Variants in FAT3 observed in about 807,000 individuals in gnomAD.
FAT3 encodes FAT atypical cadherin 3.
FAT3 carries 95 observed loss-of-function variants against 310.2 expected under a neutral mutation model. The ratio of observed to expected loss-of-function variants is 0.31; its 90% confidence interval spans 0.26 to 0.36. FAT3 has a LOEUF of 0.36. FAT3 is among the 10% of genes least tolerant of loss of function. The pLI, the probability that FAT3 is intolerant of heterozygous loss-of-function variation, is 1.00. For missense variants in FAT3, 5,408 were observed against 5,715.6 expected, an observed-to-expected ratio of 0.95 and a Z score of 1.74; for synonymous variants, 2,314 against 2,192.9, an observed-to-expected ratio of 1.06 and a Z score of -1.54.
chr11:92,557,187 T>A (rs1454322887), intron 3 of FAT3, among the ~76,000 whole-genome samples: 1 of 152,082 alleles, frequency 6.6e-6, no homozygotes, highest in Non-Finnish European at 1.5e-5. Flanking sequence ...TCGGATTTTA[T>A]GGAGGATGTT....
Position 92,792,884 on chromosome 11 carries a change from G to C in FAT3, c.4729G>C (p.Glu1577Gln). The C allele has an allele frequency of 6.2e-7, 1 of 1,613,848 alleles. No individual in the cohort carries two copies. The highest frequency in any genetic ancestry group is 8.5e-7 in the Non-Finnish European group (1 of 1,179,790). The change falls in exon 9 of 28, where the codon GAA becomes CAA. Residue 1577 changes from glutamate to glutamine, a missense_variant. This residue lies in a region of FAT3 where 4,588 missense variants were observed against 4,809.8 expected (regional missense o/e 0.95). Coordinates refer to ENST00000525166, the MANE Select transcript of FAT3 (RefSeq NM_001367949.2). ...CCCACTGTATGAAGCGTCTGTGTTT[G>C]AATCTGCTGCTCTGGGATCAGCTGT... ...TNPLYEASVFESAALGSAVLQ... is the reference protein window; with the variant it reads ...TNPLYEASVFQSAALGSAVLQ...
At position 92,333,164 on chromosome 11, in the gene FAT3, TC is replaced by T. The variant is rs1226836450; in HGVS notation, c.-17-18930del. 2.0e-5 allele frequency among the ~76,000 whole-genome samples: 3 copies of T among 152,158 alleles called. No individual in the cohort carries two copies. In the East Asian group the frequency reaches 5.8e-4, roughly 29 times the overall value. On this transcript the variant is annotated intron_variant, in intron 1 of 27. Coordinates refer to ENST00000525166, the MANE Select transcript of FAT3 (RefSeq NM_001367949.2). ...GAATAGAAGGCCAGATACTTATAAG[TC>T]CTACCCAAATGACTGGGGAGGAATG...
chr11:92,870,796 T>C (rs1389963469), intron 22 of FAT3, among the ~76,000 whole-genome samples: 3 of 152,224 alleles, frequency 2.0e-5, no homozygotes, highest in African/African-American at 7.2e-5. Context: ...AGATTCTTAA[T>C]GGTAAGAGCT....
chr11:92,552,883 G>A (rs1057242257), intron 3 of FAT3, among the ~76,000 whole-genome samples: 1 of 151,892 alleles, frequency 6.6e-6, no homozygotes, highest in Non-Finnish European at 1.5e-5. Context: ...CCCAGAGGTG[G>A]AAGTTGCAGT....
At chr11:92,624,180 G>C (rs1212910841) in intron 3 of FAT3, among the ~76,000 whole-genome samples, 2 of 152,132 alleles carry the variant, frequency 1.3e-5, no homozygotes, top group Non-Finnish European at 1.5e-5. Context: ...CTGGAGTCAG[G>C]GAAAGCTTCT....
chr11:92,451,547 A>G (rs1555050572), intron 2 of FAT3, among the ~76,000 whole-genome samples: 1 of 152,240 alleles, frequency 6.6e-6, no homozygotes, highest in Non-Finnish European at 1.5e-5. Context: ...AAGGGAGGAA[A>G]GACACAAACC....
intron 2 of FAT3, among the ~76,000 whole-genome samples, chr11:92,364,615 C>A (rs962854803): frequency 2.6e-5 from 4 of 152,176 alleles, no homozygotes; most frequent in African/African-American, 9.6e-5. Flanking sequence ...TTAAAATGGG[C>A]TGTAGTCTGT....
chr11:92,416,391 A>T (rs922332195), intron 2 of FAT3, among the ~76,000 whole-genome samples: 6 of 152,040 alleles, frequency 3.9e-5, no homozygotes, highest in African/African-American at 1.4e-4. Flanking sequence ...CTCAAAAAAA[A>T]AAAAAAGAAA....
intron 13 of FAT3, 32 bp downstream of exon 13, chr11:92,810,108 C>G: frequency 6.3e-7 from 1 of 1,575,542 alleles, no homozygotes; most frequent in Non-Finnish European, 8.7e-7. Flanking sequence ...CCCTGTCACA[C>G]AGTGGACACT....
At chr11:92,721,638 T>C (rs568845932) in intron 4 of FAT3, among the ~76,000 whole-genome samples, 5 of 152,332 alleles carry the variant, frequency 3.3e-5, no homozygotes, top group Admixed American at 1.3e-4. Context: ...TCTTATGAGA[T>C]ACAAATGTTG....
intron 1 of FAT3, among the ~76,000 whole-genome samples, chr11:92,284,467 G>A (rs1199110159): frequency 1.3e-5 from 2 of 152,022 alleles, no homozygotes; most frequent in East Asian, 3.9e-4. Context: ...AGATTTTAAG[G>A]TTAAAGAAAA....
At chr11:92,436,833 G>A (rs1208060816) in intron 2 of FAT3, among the ~76,000 whole-genome samples, 2 of 152,096 alleles carry the variant, frequency 1.3e-5, no homozygotes, top group Non-Finnish European at 2.9e-5. Context: ...TACAAGCCAG[G>A]GTGGTGTGAC....
At position 92,875,117 on chromosome 11, in the gene FAT3, A is replaced by G. The variant is rs193119017; in HGVS notation, c.12128-5614A>G. The stretch of plus-strand genomic sequence containing the variant: ...TGTGAGAACAGGTTAATTTTCATAA[A>G]CAAGCCTTTTCACAGAGGCTGAACA... On this transcript the variant is annotated intron_variant, in intron 22 of 27. Coordinates refer to ENST00000525166, the MANE Select transcript of FAT3 (RefSeq NM_001367949.2). Among the ~76,000 whole-genome samples the G allele has an allele frequency of 2.5e-3, 385 of 151,544 alleles. 1 individual carries two copies. The highest frequency in any genetic ancestry group is 8.7e-3 in the African/African-American group (361 of 41,326).
chr11:92,389,025 C>A (rs576817747), intron 2 of FAT3, among the ~76,000 whole-genome samples: 1 of 152,276 alleles, frequency 6.6e-6, no homozygotes, highest in African/African-American at 2.4e-5. Flanking sequence ...GGGCAAGACC[C>A]CTGTTTGTTC....
At chr11:92,685,272 G>T (rs1399538399) in intron 3 of FAT3, among the ~76,000 whole-genome samples, 1 of 152,096 alleles carries the variant, frequency 6.6e-6, no homozygotes, top group African/African-American at 2.4e-5. Context: ...ATTAGCACTG[G>T]CAATCTGCCA....
intron 4 of FAT3, among the ~76,000 whole-genome samples, chr11:92,741,822 G>T (rs138990125): frequency 7.4e-4 from 112 of 152,288 alleles, no homozygotes; most frequent in African/African-American, 2.3e-3. Context: ...GAGTACAAGA[G>T]TACACAGGGT....
At position 92,875,876 on chromosome 11, in the gene FAT3, T is replaced by C. The variant is rs189749370; in HGVS notation, c.12128-4855T>C. On this transcript the variant is annotated intron_variant, in intron 22 of 27. Transcript: ENST00000525166. ...CAGAAGGAACTGTGTATAAGTAAAATTGTGCTCTAGAGGTAGTGTCTTATT... is the reference window on the plus strand; with the variant it reads ...CAGAAGGAACTGTGTATAAGTAAAACTGTGCTCTAGAGGTAGTGTCTTATT... Among the ~76,000 whole-genome samples the C allele has an allele frequency of 3.9e-5, 6 of 152,270 alleles. No individual in the cohort carries two copies. In the East Asian group the frequency reaches 1.2e-3, roughly 29 times the overall value.
chr11:92,580,153 A>G (rs1247298630), intron 3 of FAT3, among the ~76,000 whole-genome samples: 6 of 152,044 alleles, frequency 3.9e-5, no homozygotes, highest in Non-Finnish European at 7.4e-5. Context: ...TGTTAAGGAA[A>G]AGAATAGGTG....
chr11:92,881,012 A>G, intron 23 of FAT3, 128 bp downstream of exon 23: 1 of 1,009,892 alleles, frequency 9.9e-7, no homozygotes, highest in Non-Finnish European at 1.5e-6. Flanking sequence ...TCTGCACGAT[A>G]CGTATAAGGA....
Sources: gnomAD v4.1 joint callset for allele counts (sites outside exome capture counted in the v4.1 genomes callset) on GRCh38, gnomAD v4.1.1 for gene constraint, gnomAD v4.1.1 regional missense constraint, MANE v1.5 for transcripts, NCBI Gene and HGNC (gene_info 2026-07-23, HGNC 2026-07-21) for gene names.